Variants in SLIT3 observed in about 807,000 individuals in gnomAD.
SLIT3 encodes slit homolog 3 protein.
Under a neutral mutation model 184.0 loss-of-function variants are expected in SLIT3, and 68 were observed. The ratio of observed to expected loss-of-function variants is 0.37; its 90% confidence interval spans 0.30 to 0.45. The LOEUF is 0.45. Among genes scored for constraint, SLIT3 ranks in the 20% least tolerant of loss-of-function variants. The probability of loss-of-function intolerance (pLI) is 1.00; values close to 1 mark genes in which losing one functional copy is unlikely to be tolerated. For missense variants in SLIT3, 1,707 were observed against 2,026.0 expected, an observed-to-expected ratio of 0.84 and a Z score of 3.02; for synonymous variants, 831 against 828.6, an observed-to-expected ratio of 1.00 and a Z score of -0.05.
At chr5:169,117,658 T>C (rs1211592445) in intron 4 of SLIT3, among the ~76,000 whole-genome samples, 2 of 152,156 alleles carry the variant, frequency 1.3e-5, no homozygotes, top group African/African-American at 2.4e-5. Context: ...AGAATTCTGT[T>C]TGTTTAAAAA....
intron 1 of SLIT3, among the ~76,000 whole-genome samples, chr5:169,294,502 A>G (rs1207367970): frequency 6.6e-6 from 1 of 152,234 alleles, no homozygotes; most frequent in African/African-American, 2.4e-5. Context: ...TATTGGGCAT[A>G]GCCCACAGGC....
intron 3 of SLIT3, among the ~76,000 whole-genome samples, chr5:169,208,467 G>C (rs1424174604): frequency 6.6e-6 from 1 of 152,008 alleles, no homozygotes; most frequent in African/African-American, 2.4e-5. Flanking sequence ...AAAAGAGCCT[G>C]TATAGCCAAG....
intron 4 of SLIT3, among the ~76,000 whole-genome samples, chr5:168,900,227 G>A (rs1760817671): frequency 6.6e-6 from 1 of 152,144 alleles, no homozygotes; most frequent in African/African-American, 2.4e-5. Flanking sequence ...AAACAGTATG[G>A]TGATTTCTCA....
intron 20 of SLIT3, among the ~76,000 whole-genome samples, chr5:168,727,387 G>T (rs1035542852): frequency 1.3e-5 from 2 of 152,176 alleles, no homozygotes; most frequent in East Asian, 1.9e-4. Flanking sequence ...GATGAGGATT[G>T]GTAGGTGAAA....
chr5:168,931,554 G>A (rs1761987369), intron 4 of SLIT3, among the ~76,000 whole-genome samples: 1 of 152,082 alleles, frequency 6.6e-6, no homozygotes, highest in Admixed American at 6.5e-5. Flanking sequence ...CACAATTTTA[G>A]AGATCTGATC....
intron 6 of SLIT3, among the ~76,000 whole-genome samples, chr5:168,830,377 G>A (rs535826154): frequency 8.5e-4 from 129 of 152,236 alleles, no homozygotes; most frequent in African/African-American, 3.0e-3. Flanking sequence ...CTGCTCTAAT[G>A]TGCCTGGGGG....
chr5:168,713,906 G>T (rs1471769431), intron 23 of SLIT3, among the ~76,000 whole-genome samples: 1 of 152,188 alleles, frequency 6.6e-6, no homozygotes, highest in Non-Finnish European at 1.5e-5. Context: ...GTTTAGAAAG[G>T]TTTCTCCTAT....
intron 1 of SLIT3, among the ~76,000 whole-genome samples, chr5:169,263,976 T>G (rs2113618791): frequency 6.6e-6 from 1 of 151,678 alleles, no homozygotes; most frequent in South Asian, 2.1e-4. Context: ...CGGGGTTTTT[T>G]TTTTTTAAAC....
chr5:168,876,118 C>G (rs923445629), intron 5 of SLIT3, among the ~76,000 whole-genome samples: 24 of 152,158 alleles, frequency 1.6e-4, no homozygotes, highest in African/African-American at 5.8e-4. Context: ...ACACCTCTGT[C>G]TCTGGTTGAT....
At chr5:169,165,073 C>A (rs1353573323) in intron 4 of SLIT3, among the ~76,000 whole-genome samples, 2 of 152,244 alleles carry the variant, frequency 1.3e-5, no homozygotes, top group Non-Finnish European at 2.9e-5. Context: ...GGCAAAACAA[C>A]TAGCAGAGTG....
At chr5:168,914,648 T>C (rs1165690288) in intron 4 of SLIT3, among the ~76,000 whole-genome samples, 4 of 152,258 alleles carry the variant, frequency 2.6e-5, no homozygotes, top group African/African-American at 9.6e-5. Context: ...TTTTCTGTAC[T>C]ATACTTCTGT....
chr5:168,773,086 G>T, intron 13 of SLIT3, 142 bp from the exon 14 acceptor site: 1 of 797,314 alleles, frequency 1.3e-6, no homozygotes, highest in Non-Finnish European at 1.9e-6. Context: ...CTTAGGGGGT[G>T]CTACTTTCAG....
intron 32 of SLIT3, among the ~76,000 whole-genome samples, chr5:168,674,896 G>A (rs1270460711): frequency 6.6e-6 from 1 of 152,140 alleles, no homozygotes; most frequent in Non-Finnish European, 1.5e-5. Context: ...GGTGCTAAGT[G>A]GTTCACTTAT....
chr5:168,764,987 G>A (rs1755290229), intron 14 of SLIT3, among the ~76,000 whole-genome samples: 1 of 152,166 alleles, frequency 6.6e-6, no homozygotes, highest in African/African-American at 2.4e-5. Flanking sequence ...CTCCGCACCA[G>A]TGGATCCACA....
chr5:168,920,503 G>A (rs960130625), intron 4 of SLIT3, among the ~76,000 whole-genome samples: 1 of 152,170 alleles, frequency 6.6e-6, no homozygotes. Context: ...ATTCACCAGC[G>A]AGACCATCAC....
intron 33 of SLIT3, among the ~76,000 whole-genome samples, chr5:168,672,795 A>AT (rs1410339252): frequency 6.6e-6 from 1 of 152,026 alleles, no homozygotes; most frequent in African/African-American, 2.4e-5. Flanking sequence ...TTGGCCTTTG[A>AT]TTTTAATCTC....
At chr5:169,284,897 G>C (rs897163739) in intron 1 of SLIT3, among the ~76,000 whole-genome samples, 10 of 151,930 alleles carry the variant, frequency 6.6e-5, no homozygotes, top group African/African-American at 2.2e-4. Context: ...TTTTCAAAGG[G>C]CACATTTTGA....
intron 4 of SLIT3, among the ~76,000 whole-genome samples, chr5:168,888,732 T>C (rs962794288): frequency 2.0e-5 from 3 of 152,216 alleles, no homozygotes; most frequent in Non-Finnish European, 4.4e-5. Flanking sequence ...CCATCAACTC[T>C]TGATTAGTTA....
At chr5:168,962,437 C>G (rs1204831727) in intron 4 of SLIT3, among the ~76,000 whole-genome samples, 1 of 152,108 alleles carries the variant, frequency 6.6e-6, no homozygotes, top group African/African-American at 2.4e-5. Context: ...CTTTCTCTTG[C>G]TCTATTTTAG....
Sources: allele counts gnomAD v4.1 joint callset (sites outside exome capture counted in the v4.1 genomes callset), GRCh38; gene constraint gnomAD v4.1.1; transcripts MANE v1.5; gene names NCBI Gene and HGNC (gene_info 2026-07-23, HGNC 2026-07-21).